NUP210L: variants seen among roughly 807,000 people sequenced by gnomAD.
NUP210L encodes the protein nuclear pore membrane glycoprotein 210-like.
Under a neutral mutation model 208.5 loss-of-function variants are expected in NUP210L, and 74 were observed. The ratio of observed to expected loss-of-function variants is 0.35; its 90% CI spans 0.29 to 0.43. The LOEUF is 0.43. Among genes scored for constraint, NUP210L ranks in the 20% least tolerant of loss-of-function variants. The probability of loss-of-function intolerance (pLI) is 1.00; values close to 1 mark genes in which losing one functional copy is unlikely to be tolerated. For synonymous variants in NUP210L, 780 were observed against 816.9 expected (o/e 0.95, Z 0.77); for missense variants, 1,843 against 2,289.4 (o/e 0.81, Z 3.98).
chr1:154,123,501 C>A (rs1478505903), intron 10 of NUP210L, among the ~76,000 whole-genome samples: 1 of 152,116 alleles, frequency 6.6e-6, no homozygotes, highest in Non-Finnish European at 1.5e-5. Context: ...GTGCTATTAG[C>A]CATATGTACA....
At chr1:153,995,893 C>G (rs1257492796) in intron 37 of NUP210L, 1 of 551,422 alleles carries the variant, frequency 1.8e-6, no homozygotes, top group Non-Finnish European at 3.5e-6. Flanking sequence ...ATCAAGTGTG[C>G]TCTCCTTATC....
intron 25 of NUP210L, among the ~76,000 whole-genome samples, chr1:154,049,960 C>A (rs1433544671): frequency 6.6e-6 from 1 of 152,178 alleles, no homozygotes. Context: ...GTATGTAGGG[C>A]AAGCAATTGA....
At chr1:154,099,710 C>T (rs1476391761) in intron 14 of NUP210L, among the ~76,000 whole-genome samples, 1 of 152,144 alleles carries the variant, frequency 6.6e-6, no homozygotes. Flanking sequence ...ACTTTATGAA[C>T]TTTTCTGTAC....
At position 154,152,732 on chromosome 1, in the gene NUP210L, A is replaced by G; in HGVS notation, c.340+4T>C. ...GATACATAGTGTTTTTGCTCTCAACATACCTATTTCTCGAGCAAGAATAAT... is the reference window on the plus strand; with the variant it reads ...GATACATAGTGTTTTTGCTCTCAACGTACCTATTTCTCGAGCAAGAATAAT... On this transcript the variant is annotated splice_donor_region_variant and intron_variant, in intron 2 of 39. Coordinates refer to ENST00000368559, the Ensembl canonical transcript of NUP210L. The G allele has an allele frequency of 6.2e-7, 1 of 1,613,738 alleles. No homozygotes were observed. The highest frequency in any genetic ancestry group is 8.5e-7 in the Non-Finnish European group (1 of 1,179,694).
chr1:154,059,192 G>C (rs1654017135), intron 20 of NUP210L, among the ~76,000 whole-genome samples: 1 of 152,146 alleles, frequency 6.6e-6, no homozygotes, highest in Non-Finnish European at 1.5e-5. Context: ...ACAAAAATTA[G>C]CTGGGCACGG....
At chr1:154,101,202 G>A (rs866874014) in intron 13 of NUP210L, among the ~76,000 whole-genome samples, 12 of 149,944 alleles carry the variant, frequency 8.0e-5, no homozygotes, top group African/African-American at 2.9e-4. Flanking sequence ...AATTTGGCTG[G>A]GGGCGGTGGC....
At chr1:154,004,001 A>G (rs1298135578) in intron 35 of NUP210L, among the ~76,000 whole-genome samples, 1 of 151,682 alleles carries the variant, frequency 6.6e-6, no homozygotes, top group East Asian at 1.9e-4. Flanking sequence ...GTCCAGACCC[A>G]TTAGTCTGGT....
intron 22 of NUP210L, among the ~76,000 whole-genome samples, chr1:154,057,238 ATC>A (rs1653916357): frequency 6.6e-6 from 1 of 152,088 alleles, no homozygotes; most frequent in African/African-American, 2.4e-5. Context: ...ACAGCCTCCC[ATC>A]ATGCTGGGAT....
intron 36 of NUP210L, among the ~76,000 whole-genome samples, chr1:154,001,284 G>C (rs1216525250): frequency 6.6e-6 from 1 of 152,098 alleles, no homozygotes; most frequent in African/African-American, 2.4e-5. Context: ...TGCAACCTCT[G>C]CCTCCCGGGT....
At chr1:154,117,456 C>T (rs1657386673) in intron 12 of NUP210L, among the ~76,000 whole-genome samples, 1 of 152,072 alleles carries the variant, frequency 6.6e-6, no homozygotes, top group African/African-American at 2.4e-5. Flanking sequence ...TAGTGGGCAC[C>T]TGTAATCCCA....
chr1:154,018,685 T>TTAG (rs1433924281), intron 33 of NUP210L, among the ~76,000 whole-genome samples: 1 of 152,188 alleles, frequency 6.6e-6, no homozygotes, highest in African/African-American at 2.4e-5. Context: ...GTCTTTCAAC[T>TTAG]TCTACCCTGG....
chr1:154,019,315 G>A (rs1429015982), intron 32 of NUP210L, among the ~76,000 whole-genome samples: 1 of 152,208 alleles, frequency 6.6e-6, no homozygotes, highest in African/African-American at 2.4e-5. Context: ...GGGAAAAAGA[G>A]AAGCTCTTTT....
intron 17 of NUP210L, among the ~76,000 whole-genome samples, chr1:154,067,045 T>C (rs1557952830): frequency 6.6e-6 from 1 of 152,160 alleles, no homozygotes; most frequent in Middle Eastern, 3.2e-3. Context: ...CTTCTGAAAC[T>C]TTTTTCCAGT....
chr1:154,018,559 A>G (rs1171368677), intron 33 of NUP210L, among the ~76,000 whole-genome samples: 4 of 152,138 alleles, frequency 2.6e-5, no homozygotes, highest in East Asian at 1.9e-4. Flanking sequence ...AGGAAACTCT[A>G]TTGGCTCTAC....
chr1:154,109,062 C>T (rs1466667273), intron 12 of NUP210L, among the ~76,000 whole-genome samples: 1 of 151,588 alleles, frequency 6.6e-6, no homozygotes, highest in Non-Finnish European at 1.5e-5. Context: ...ATCATGCCAT[C>T]GCACTCCAGC....
chr1:154,093,635 TAAATA>T (rs1166860022), intron 15 of NUP210L, among the ~76,000 whole-genome samples: 5 of 151,794 alleles, frequency 3.3e-5, no homozygotes, highest in African/African-American at 9.7e-5. Flanking sequence ...TAAAAATAAA[TAAATA>T]AAATAAAATA....
At position 154,028,625 on chromosome 1, in the gene NUP210L, TTATAA is replaced by T. The variant is rs547454790; in HGVS notation, c.3856-1033_3856-1029del. Among the ~76,000 whole-genome samples the T allele has an allele frequency of 3.9e-5, 6 of 152,238 alleles. No homozygotes were observed. In the South Asian group the frequency reaches 1.2e-3, roughly 32 times the overall value. On this transcript the variant is annotated intron_variant, in intron 28 of 39. Coordinates refer to ENST00000368559, the Ensembl canonical transcript of NUP210L. The stretch of plus-strand genomic sequence containing the variant: ...AATTAAATAAAAATTGTTAATGGAC[TTATAA>T]TATCTATGTCAGGTGGAGTGGATCA...
chr1:154,148,216 G>A (rs1428165421), intron 2 of NUP210L, among the ~76,000 whole-genome samples: 1 of 151,396 alleles, frequency 6.6e-6, no homozygotes, highest in Non-Finnish European at 1.5e-5. Context: ...GCAGTCAGCC[G>A]AGATTGCACC....
chr1:154,058,261 A>G (rs1201531367), intron 21 of NUP210L, 45 bp from the exon 22 acceptor site: 1 of 1,603,948 alleles, frequency 6.2e-7, no homozygotes. Flanking sequence ...TGTCTCATTC[A>G]CCAATGGCAG....
Sources: gnomAD v4.1 joint callset for allele counts (sites outside exome capture counted in the v4.1 genomes callset) on GRCh38, gnomAD v4.1.1 for gene constraint, MANE v1.5 for transcripts, NCBI Gene and HGNC (gene_info 2026-07-23, HGNC 2026-07-21) for gene names.